Variants in PAM observed in about 807,000 individuals in gnomAD.
PAM encodes the protein peptidylglycine alpha-amidating monooxygenase, also known as peptidyl-glycine alpha-amidating monooxygenase.
Under a neutral mutation model 122.1 loss-of-function variants are expected in PAM, and 72 were observed. That is an observed-to-expected ratio of 0.59 (90% CI 0.49 to 0.72). PAM has a LOEUF of 0.72. Ranked by LOEUF, PAM falls within the 30% of genes least tolerant of loss-of-function variation. The pLI is 0.00. For missense variants in PAM, 1,106 were observed against 1,183.7 expected, an observed-to-expected ratio of 0.93 and a Z score of 0.96; for synonymous variants, 389 against 404.4, an observed-to-expected ratio of 0.96 and a Z score of 0.46.
At chr5:103,008,290 AT>A (rs947581512) in intron 20 of PAM, among the ~76,000 whole-genome samples, 1 of 151,974 alleles carries the variant, frequency 6.6e-6, no homozygotes, top group African/African-American at 2.4e-5. Context: ...TACAATTACA[AT>A]TTTTTTAAAT....
intron 3 of PAM, among the ~76,000 whole-genome samples, chr5:102,872,046 T>C (rs968468790): frequency 6.6e-6 from 1 of 152,176 alleles, no homozygotes; most frequent in Non-Finnish European, 1.5e-5. Flanking sequence ...GAAGATGTTT[T>C]AGGCTGTCAT....
intron 7 of PAM, among the ~76,000 whole-genome samples, chr5:102,941,747 T>C (rs1755287265): frequency 6.8e-6 from 1 of 147,240 alleles, no homozygotes; most frequent in Non-Finnish European, 1.5e-5. Context: ...CTTTAATATA[T>C]GAATTTTCTG....
intron 9 of PAM, among the ~76,000 whole-genome samples, 163 bp from the exon 10 acceptor site, chr5:102,949,374 T>C (rs1758031553): frequency 1.3e-5 from 2 of 152,060 alleles, no homozygotes; most frequent in South Asian, 2.1e-4. Context: ...TTCATGTGAG[T>C]AAAGTGGCTG....
chr5:102,777,995 A>G (rs1236362620), intron 1 of PAM, among the ~76,000 whole-genome samples: 1 of 152,184 alleles, frequency 6.6e-6, no homozygotes, highest in Non-Finnish European at 1.5e-5. Flanking sequence ...TTCCTTCTGC[A>G]GGCGGAATTG....
At chr5:102,998,241 T>A (rs1223750245) in intron 16 of PAM, among the ~76,000 whole-genome samples, 2 of 152,180 alleles carry the variant, frequency 1.3e-5, no homozygotes, top group African/African-American at 4.8e-5. Flanking sequence ...TTTACATGAA[T>A]GACAAGACAG....
At chr5:103,028,083 G>A (rs1272467621) in intron 24 of PAM, 102 bp from the exon 25 acceptor site, 1 of 862,626 alleles carries the variant, frequency 1.2e-6, no homozygotes. Context: ...GCCAGGCCTT[G>A]CTTTATCATT....
chr5:102,817,424 G>T (rs555541452), intron 1 of PAM, among the ~76,000 whole-genome samples: 2 of 151,480 alleles, frequency 1.3e-5, no homozygotes, highest in Non-Finnish European at 2.9e-5. Flanking sequence ...GATGTAATTT[G>T]AAAAAAAGAT....
chr5:103,017,184 C>T (rs892899650), intron 21 of PAM, 150 bp from the exon 22 acceptor site: 2 of 602,798 alleles, frequency 3.3e-6, no homozygotes, highest in African/African-American at 3.7e-5. Flanking sequence ...CTCCCTTCAG[C>T]CTAGGGTTGC....
At chr5:102,764,685 C>G (rs1170649472) in intron 1 of PAM, among the ~76,000 whole-genome samples, 2 of 152,164 alleles carry the variant, frequency 1.3e-5, no homozygotes, top group East Asian at 3.9e-4. Flanking sequence ...TTCAAAGTCC[C>G]TTACTATATC....
chr5:102,855,004 A>C (rs1008488934), intron 1 of PAM, among the ~76,000 whole-genome samples: 1 of 152,190 alleles, frequency 6.6e-6, no homozygotes, highest in Non-Finnish European at 1.5e-5. Context: ...AAAAATTCAA[A>C]TGGTTGTCTT....
chr5:102,787,235 G>A (rs2149948250), intron 1 of PAM, among the ~76,000 whole-genome samples: 1 of 152,162 alleles, frequency 6.6e-6, no homozygotes, highest in African/African-American at 2.4e-5. Context: ...AAGAATAGAT[G>A]TAGTTCTTGG....
intron 14 of PAM, among the ~76,000 whole-genome samples, chr5:102,968,806 A>C (rs1454678417): frequency 2.0e-5 from 3 of 152,172 alleles, no homozygotes; most frequent in African/African-American, 7.2e-5. Flanking sequence ...TTATTGCAGC[A>C]CTATTCCCAA....
chr5:103,019,041 G>A (rs571965836), intron 22 of PAM, among the ~76,000 whole-genome samples: 5 of 152,220 alleles, frequency 3.3e-5, no homozygotes, highest in South Asian at 2.1e-4. Context: ...CCTGCTGTGC[G>A]TTCCAGTTCC....
chr5:102,785,833 T>C (rs1382369624), intron 1 of PAM, among the ~76,000 whole-genome samples: 1 of 152,048 alleles, frequency 6.6e-6, no homozygotes, highest in East Asian at 1.9e-4. Context: ...TAAGGAGTGG[T>C]GTTGGAAGTT....
chr5:103,006,115 T>C (rs1413281768), intron 18 of PAM, among the ~76,000 whole-genome samples: 1 of 152,134 alleles, frequency 6.6e-6, no homozygotes, highest in Non-Finnish European at 1.5e-5. Context: ...TTTTAAATTT[T>C]TTGTAGAGAT....
intron 1 of PAM, among the ~76,000 whole-genome samples, chr5:102,806,776 T>C (rs984452439): frequency 1.3e-5 from 2 of 152,234 alleles, no homozygotes; most frequent in African/African-American, 4.8e-5. Context: ...GGGCTGACTT[T>C]ACTGTTTTGC....
At chr5:102,986,704 C>T (rs1374472190) in intron 15 of PAM, among the ~76,000 whole-genome samples, 1 of 152,122 alleles carries the variant, frequency 6.6e-6, no homozygotes, top group African/African-American at 2.4e-5. Flanking sequence ...AATTGTAGCT[C>T]CCACAATTCC....
chr5:102,954,051 A>T (rs1003321612), intron 12 of PAM, among the ~76,000 whole-genome samples: 18 of 150,134 alleles, frequency 1.2e-4, no homozygotes, highest in East Asian at 9.6e-4. Flanking sequence ...AAAAAATATT[A>T]AAAAAAAGAT....
intron 1 of PAM, among the ~76,000 whole-genome samples, chr5:102,798,449 T>C (rs1407050425): frequency 1.3e-5 from 2 of 152,234 alleles, no homozygotes; most frequent in Admixed American, 6.5e-5. Flanking sequence ...AGGTATATTA[T>C]TGAATTTTTT....
Sources: gnomAD v4.1 joint callset for allele counts (sites outside exome capture counted in the v4.1 genomes callset) on GRCh38, gnomAD v4.1.1 for gene constraint, MANE v1.5 for transcripts, NCBI Gene and HGNC (gene_info 2026-07-23, HGNC 2026-07-21) for gene names.